The following NEO1 variants were observed in gnomAD, a reference collection of about 807,000 sequenced individuals.
NEO1 encodes the protein neogenin.
In NEO1, 63 loss-of-function variants were observed where a neutral mutation model predicts 159.7. The ratio of observed to expected loss-of-function variants is 0.39; its 90% CI spans 0.32 to 0.49. The LOEUF (loss-of-function observed/expected upper bound fraction) is 0.49, where lower values mean the gene tolerates loss of function less well. Ranked by LOEUF, NEO1 falls within the 20% of genes least tolerant of loss-of-function variation. NEO1 has a pLI of 0.85. For synonymous variants in NEO1, 633 were observed against 662.0 expected (o/e 0.96, Z 0.67); for missense variants, 1,615 against 1,831.0 (o/e 0.88, Z 2.15).
At chr15:73,186,493 G>A (rs745373510) in intron 7 of NEO1, among the ~76,000 whole-genome samples, 60 of 152,202 alleles carry the variant, frequency 3.9e-4, no homozygotes, top group Non-Finnish European at 6.3e-4. Flanking sequence ...GTGGGCTAGA[G>A]TGTTTTTAAA....
At chr15:73,154,678 T>C (rs529062712) in intron 5 of NEO1, among the ~76,000 whole-genome samples, 45 of 152,364 alleles carry the variant, frequency 3.0e-4, no homozygotes, top group African/African-American at 1.1e-3. Context: ...TCCTGCTCAC[T>C]TTCAGTTTCT....
intron 6 of NEO1, 59 bp downstream of exon 6, chr15:73,176,616 A>G: frequency 5.3e-6 from 7 of 1,318,148 alleles, no homozygotes; most frequent in Non-Finnish European, 6.2e-6. Context: ...TTTTAAATGT[A>G]GTCACCGAGA....
chr15:73,052,297 C>CCCCCCGCCCCCG (rs528003048), upstream of NEO1, among the ~76,000 whole-genome samples: 27 of 139,028 alleles, frequency 1.9e-4, no homozygotes, highest in South Asian at 4.5e-4. Flanking sequence ...GGGACTCCCG[C>CCCCCCGCCCCCG]CCCCCGCCCC....
chr15:73,261,909 T>C (rs1030439271), intron 15 of NEO1, among the ~76,000 whole-genome samples: 2 of 152,150 alleles, frequency 1.3e-5, no homozygotes, highest in African/African-American at 4.8e-5. Flanking sequence ...ATAGTGGTGG[T>C]ATTGTAAAGG....
At position 73,218,328 on chromosome 15, in the gene NEO1, CA is replaced by C. The variant is rs1248967728; in HGVS notation, c.1292-18018del. Among the ~76,000 whole-genome samples, 9 of 149,608 alleles carry C rather than the reference CA, an allele frequency of 6.0e-5. No homozygotes were observed. The East Asian group carries it at 1.8e-3, about 29-fold the overall frequency. On this transcript the variant is annotated intron_variant, in intron 7 of 28. Transcript: ENST00000261908. ...TGATGTGCTGCTGGATTCGGTTTGCCAGTATTTTATTGAGGATTTTTGCATC... is the reference window on the plus strand; with the variant it reads ...TGATGTGCTGCTGGATTCGGTTTGCCGTATTTTATTGAGGATTTTTGCATC...
intron 7 of NEO1, among the ~76,000 whole-genome samples, chr15:73,179,356 A>G (rs1258317412): frequency 4.6e-5 from 7 of 152,176 alleles, no homozygotes; most frequent in East Asian, 1.9e-4. Context: ...GGGTGTAACC[A>G]TGGTTTACTG....
intron 5 of NEO1, among the ~76,000 whole-genome samples, chr15:73,161,326 G>C (rs1408770322): frequency 6.6e-6 from 1 of 152,138 alleles, no homozygotes; most frequent in African/African-American, 2.4e-5. Context: ...AGTGATTACA[G>C]TTTCTAGGAT....
At chr15:73,180,970 A>G (rs1333948501) in intron 7 of NEO1, among the ~76,000 whole-genome samples, 1 of 152,212 alleles carries the variant, frequency 6.6e-6, no homozygotes, top group Non-Finnish European at 1.5e-5. Context: ...TTTAGAGTTT[A>G]CAATATAATA....
chr15:73,185,018 T>C (rs762037151), intron 7 of NEO1, among the ~76,000 whole-genome samples: 2 of 152,010 alleles, frequency 1.3e-5, no homozygotes, highest in Non-Finnish European at 2.9e-5. Flanking sequence ...AATTACCAAG[T>C]GAAAGAAGCC....
At chr15:73,192,820 T>C (rs947085483) in intron 7 of NEO1, among the ~76,000 whole-genome samples, 7 of 152,018 alleles carry the variant, frequency 4.6e-5, no homozygotes, top group Non-Finnish European at 8.8e-5. Flanking sequence ...TACACAGAAA[T>C]CTATTAATGA....
At position 73,052,584 on chromosome 15, in the gene NEO1, G is replaced by C. The variant is rs2151185817; in HGVS notation, c.-92G>C. The C allele has an allele frequency of 1.2e-6, 1 of 804,478 alleles. No individual in the cohort carries two copies. Among genetic ancestry groups the C allele is most frequent in the Non-Finnish European group, 1.6e-6 (1 of 625,162 alleles). The allele number at this position is 804,478 out of a possible 1,614,324, so 49.8% of individuals were successfully genotyped here. A position where few individuals can be genotyped will look rare whatever the true frequency, so the allele number is the denominator to read the frequency against. ...AGCGGCGGCCGCGGGAGCCGAGCTTGCAGCGAGGGACCGGCTGAGGCGCGC... is the reference window on the plus strand; with the variant it reads ...AGCGGCGGCCGCGGGAGCCGAGCTTCCAGCGAGGGACCGGCTGAGGCGCGC... On this transcript the variant is annotated 5_prime_UTR_variant, in exon 1 of 29. Coordinates refer to ENST00000261908, the MANE Select transcript of NEO1 (RefSeq NM_002499.4).
intron 7 of NEO1, among the ~76,000 whole-genome samples, chr15:73,209,235 A>T (rs1270563427): frequency 1.3e-5 from 2 of 152,208 alleles, no homozygotes. Flanking sequence ...GAGAGACACC[A>T]TTGGGAACAA....
At chr15:73,137,233 A>C (rs1231486735) in intron 5 of NEO1, among the ~76,000 whole-genome samples, 1 of 152,190 alleles carries the variant, frequency 6.6e-6, no homozygotes, top group Non-Finnish European at 1.5e-5. Flanking sequence ...ATGCTATCTC[A>C]TAGATAATTA....
At chr15:73,120,310 A>C (rs897226931) in intron 2 of NEO1, among the ~76,000 whole-genome samples, 1 of 151,476 alleles carries the variant, frequency 6.6e-6, no homozygotes, top group East Asian at 1.9e-4. Context: ...TTTTTGGTCA[A>C]ATCTGGGGAG....
At chr15:73,053,072 C>T (rs1162926510) in intron 1 of NEO1, among the ~76,000 whole-genome samples, 1 of 152,044 alleles carries the variant, frequency 6.6e-6, no homozygotes. Context: ...CAGGTTCACC[C>T]CTCGCCTCTC....
chr15:73,109,970 G>A (rs566466812), intron 1 of NEO1, among the ~76,000 whole-genome samples: 23 of 152,284 alleles, frequency 1.5e-4, no homozygotes, highest in Admixed American at 2.6e-4. Flanking sequence ...TAACTGTTAC[G>A]TAGCAAAGCA....
intron 7 of NEO1, among the ~76,000 whole-genome samples, chr15:73,200,365 G>A (rs1359285560): frequency 1.3e-5 from 2 of 151,852 alleles, no homozygotes; most frequent in Non-Finnish European, 2.9e-5. Flanking sequence ...CAGATCACCT[G>A]AGCTTAGGAG....
At chr15:73,233,760 A>G (rs2039034924) in intron 7 of NEO1, among the ~76,000 whole-genome samples, 1 of 152,032 alleles carries the variant, frequency 6.6e-6, no homozygotes, top group Admixed American at 6.6e-5. Flanking sequence ...CCCTGCTTGC[A>G]TTCCCTCCCC....
rs988241813 is a variant in NEO1 at position 73,160,791 on chromosome 15, C to T, written c.1016-15612C>T. On this transcript the variant is annotated intron_variant, in intron 5 of 28. Transcript: ENST00000261908. ...CTGCATGAGTTCAGCTACCTAGACG[C>T]TCTCCCAAACCCTGTCCTTATAAGT... Among the ~76,000 whole-genome samples the T allele has an allele frequency of 2.2e-4, 34 of 152,306 alleles. 1 individual carries two copies. Among genetic ancestry groups the T allele is most frequent in the Admixed American group, 1.9e-3 (29 of 15,300 alleles).
Sources: gnomAD v4.1 joint callset for allele counts (sites outside exome capture counted in the v4.1 genomes callset) on GRCh38, gnomAD v4.1.1 for gene constraint, MANE v1.5 for transcripts, NCBI Gene and HGNC (gene_info 2026-07-23, HGNC 2026-07-21) for gene names.